INPP5F: variants seen among roughly 807,000 people sequenced by gnomAD.
INPP5F encodes the protein inositol polyphosphate-5-phosphatase F, also known as phosphatidylinositide 4-phosphatase SAC2.
In INPP5F, 97 loss-of-function variants were observed where a neutral mutation model predicts 137.2. That is an observed-to-expected ratio of 0.71 (90% CI 0.60 to 0.84). INPP5F has a LOEUF of 0.84. Among genes scored for constraint, INPP5F ranks in the 40% least tolerant of loss-of-function variants. The pLI is 0.00. For synonymous variants in INPP5F, 504 were observed against 476.9 expected, an observed-to-expected ratio of 1.06 and a Z score of -0.74; for missense variants, 1,271 against 1,371.9, an observed-to-expected ratio of 0.93 and a Z score of 1.16.
chr10:119,813,057 G>T lies in INPP5F; in HGVS notation c.1886+1102G>T, dbSNP rs145353594. On this transcript the variant is annotated intron_variant, in intron 15 of 19. Transcript: ENST00000650623. The stretch of plus-strand genomic sequence containing the variant: ...TGATTGTCAATATCATCTTTCTTCA[G>T]TCAAGTGTTTTTGTGTCTACTTTGG... Among the ~76,000 whole-genome samples, 845 of 152,188 alleles carry T rather than the reference G, an allele frequency of 5.6e-3. 4 individuals carry two copies. The highest frequency in any genetic ancestry group is 0.016 in the African/African-American group (667 of 41,498).
intron 1 of INPP5F, among the ~76,000 whole-genome samples, chr10:119,747,676 C>T (rs185713158): frequency 5.3e-5 from 8 of 152,268 alleles, no homozygotes; most frequent in African/African-American, 7.2e-5. Flanking sequence ...TCCCAGGAAT[C>T]TATCCAAAAG....
Position 119,748,737 on chromosome 10 carries a change from A to AGGCCACGGAC in INPP5F, c.98-2334_98-2325dup, listed in dbSNP as rs1267256145. On this transcript the variant is annotated intron_variant, in intron 1 of 19. Transcript: ENST00000650623. The surrounding 1 kb of genome is among the most constrained non-coding windows in gnomAD (Gnocchi z 4.7). ...AAGTGTGTGCTGATTGGTCCATGGG[A>AGGCCACGGAC]GGCCACGGACGGCCTGGAGAAAGCA... Among the ~76,000 whole-genome samples, 1 of 152,104 alleles carries AGGCCACGGAC rather than the reference A, an allele frequency of 6.6e-6. No homozygotes were observed. Among genetic ancestry groups the AGGCCACGGAC allele is most frequent in the African/African-American group, 2.4e-5 (1 of 41,422 alleles).
intron 1 of INPP5F, among the ~76,000 whole-genome samples, chr10:119,738,127 A>T (rs17099237): frequency 0.055 from 8,390 of 152,312 alleles, 309 homozygotes; most frequent in Admixed American, 0.1. Context: ...ATCTGAAATA[A>T]GAGTGAAAAT....
intron 12 of INPP5F, among the ~76,000 whole-genome samples, chr10:119,807,088 T>C (rs1850822600): frequency 1.3e-5 from 2 of 152,068 alleles, no homozygotes; most frequent in Non-Finnish European, 2.9e-5. Flanking sequence ...CTGGCCAAAA[T>C]GGCGAGACCC....
intron 2 of INPP5F, among the ~76,000 whole-genome samples, chr10:119,755,671 A>C (rs1032477519): frequency 6.6e-6 from 1 of 152,154 alleles, no homozygotes; most frequent in Non-Finnish European, 1.5e-5. Flanking sequence ...TCAGTGTGAT[A>C]GGCCAGTCCT....
At chr10:119,743,599 C>G (rs982288316) in intron 1 of INPP5F, among the ~76,000 whole-genome samples, 2 of 145,684 alleles carry the variant, frequency 1.4e-5, no homozygotes, top group African/African-American at 5.2e-5. Flanking sequence ...GAGTCGGATT[C>G]CAGGCCCAGG....
chr10:119,736,530 A>C (rs1848221133), intron 1 of INPP5F, among the ~76,000 whole-genome samples: 1 of 152,166 alleles, frequency 6.6e-6, no homozygotes, highest in Non-Finnish European at 1.5e-5. Flanking sequence ...AGTTAAGTCT[A>C]TACCTTTCAT....
chr10:119,791,294 T>C (rs17680667), intron 3 of INPP5F, among the ~76,000 whole-genome samples: 7,326 of 152,336 alleles, frequency 0.048, 278 homozygotes, highest in Non-Finnish European at 0.076. Flanking sequence ...CTCTAAATCC[T>C]AAGTATATCC....
chr10:119,794,642 T>C (rs376486675), intron 6 of INPP5F, among the ~76,000 whole-genome samples: 8,643 of 74,706 alleles, frequency 0.12, 671 homozygotes, highest in South Asian at 0.43. Flanking sequence ...GCTGGCCAGG[T>C]GGGGGGCTGA....
chr10:119,785,916 C>T (rs1288242365), intron 3 of INPP5F, among the ~76,000 whole-genome samples: 1 of 152,100 alleles, frequency 6.6e-6, no homozygotes, highest in Non-Finnish European at 1.5e-5. Context: ...ATGGTTTAAA[C>T]AATGAGGACT....
Position 119,791,646 on chromosome 10 carries a change from G to GT in INPP5F, c.444+2dup. ...TGTGTCTGCTCCTAATAAAAAGAAA[G>GT]TAAGAGTTTAATTGATATAGGCTTT... On this transcript the variant is annotated splice_donor_variant, in intron 4 of 19. Coordinates refer to ENST00000650623, the MANE Select transcript of INPP5F (RefSeq NM_014937.4). LOFTEE classifies it high-confidence loss of function. 2 of 1,599,310 alleles carry GT rather than the reference G, an allele frequency of 1.3e-6. No homozygotes were observed. The highest frequency in any genetic ancestry group is 1.7e-6 in the Non-Finnish European group (2 of 1,169,220).
intron 2 of INPP5F, among the ~76,000 whole-genome samples, chr10:119,752,279 A>T (rs1848709878): frequency 6.6e-6 from 1 of 152,182 alleles, no homozygotes; most frequent in Non-Finnish European, 1.5e-5. Context: ...TGTATCTACC[A>T]CCTAGGTTAA....
chr10:119,821,108 G>A (rs1023037881), intron 16 of INPP5F, among the ~76,000 whole-genome samples, 191 bp downstream of exon 16: 11 of 152,132 alleles, frequency 7.2e-5, no homozygotes, highest in Admixed American at 1.3e-4. Flanking sequence ...CGGTTTGAAA[G>A]CAAGATTTTA....
intron 3 of INPP5F, among the ~76,000 whole-genome samples, chr10:119,790,781 A>T (rs1290839579): frequency 6.6e-6 from 1 of 152,260 alleles, no homozygotes; most frequent in Non-Finnish European, 1.5e-5. Context: ...TTGCTGAGCT[A>T]CATGAAATTA....
intron 9 of INPP5F, 54 bp downstream of exon 9, chr10:119,798,664 T>C: frequency 8.1e-7 from 1 of 1,237,666 alleles, no homozygotes; most frequent in South Asian, 1.3e-5. Context: ...AAATAACTTT[T>C]TCTTTAAGTT....
At chr10:119,791,382 G>T in intron 3 of INPP5F, 135 bp from the exon 4 acceptor site, 1 of 697,508 alleles carries the variant, frequency 1.4e-6, no homozygotes, top group South Asian at 1.8e-5. Context: ...GCCATCAATT[G>T]TCTACTTGAT....
chr10:119,739,793 AT>A (rs35486509), intron 1 of INPP5F, among the ~76,000 whole-genome samples: 6,584 of 151,550 alleles, frequency 0.043, 235 homozygotes, highest in South Asian at 0.22. Flanking sequence ...AATTTTTTGT[AT>A]TTTTTTGTAG....
At chr10:119,800,114 GAAA>G (rs1364814718) in intron 9 of INPP5F, among the ~76,000 whole-genome samples, 2 of 151,394 alleles carry the variant, frequency 1.3e-5, no homozygotes, top group African/African-American at 4.8e-5. Context: ...ACACCATAGT[GAAA>G]AAAACTTGAT....
chr10:119,729,105 GTTTGTTGCTC>G (rs1847975065), intron 1 of INPP5F, among the ~76,000 whole-genome samples: 1 of 150,012 alleles, frequency 6.7e-6, no homozygotes, highest in Non-Finnish European at 1.5e-5. Flanking sequence ...GTTGTATTAT[GTTTGTTGCTC>G]TTTTTAGGCC....
Sources: gnomAD v4.1 joint callset for allele counts (sites outside exome capture counted in the v4.1 genomes callset) on GRCh38, gnomAD v4.1.1 for gene constraint, Gnocchi (gnomAD v3.1) non-coding constraint, MANE v1.5 for transcripts, NCBI Gene and HGNC (gene_info 2026-07-23, HGNC 2026-07-21) for gene names.